Variants in TRDMT1 observed in about 807,000 individuals in gnomAD.
TRDMT1 encodes tRNA aspartic acid methyltransferase 1, also known as tRNA (cytosine(38)-C(5))-methyltransferase.
TRDMT1 carries 49 observed loss-of-function variants against 51.2 expected under a neutral mutation model. The ratio of observed to expected loss-of-function variants is 0.96; its 90% CI spans 0.76 to 1.21. The LOEUF is 1.21. Among genes scored for constraint, TRDMT1 ranks in the 50% most tolerant of loss-of-function variants. The pLI is 0.00. For synonymous variants in TRDMT1, 187 were observed against 164.6 expected (o/e 1.14, Z -1.04); for missense variants, 534 against 462.3 (o/e 1.16, Z -1.42).
chr10:17,184,386 C>T (rs1487895656), intron 1 of TRDMT1, among the ~76,000 whole-genome samples: 1 of 151,732 alleles, frequency 6.6e-6, no homozygotes, highest in East Asian at 1.9e-4. Flanking sequence ...ATCTAGTTAA[C>T]TGAATTTTTT....
chr10:17,161,379 T>A, intron 5 of TRDMT1, 104 bp downstream of exon 5: 3 of 787,954 alleles, frequency 3.8e-6, no homozygotes, highest in East Asian at 4.1e-5. Flanking sequence ...ATATATAAAA[T>A]GTCAGAATGT....
intron 9 of TRDMT1, 63 bp from the exon 10 acceptor site, chr10:17,153,699 T>C (rs929031167): frequency 6.8e-7 from 1 of 1,481,366 alleles, no homozygotes; most frequent in East Asian, 2.3e-5. Flanking sequence ...GATCTCCTGC[T>C]GTGAGATAGT....
rs566486096 is a variant in TRDMT1 at position 17,145,121 on chromosome 10, C to T, written c.*3919G>A. Reference sequence around the variant, plus strand: ...AATTAGCTAGGTGTGGTGGCATGCGCCTGTAATCCCAGCTACTAGGGAGGC... The same window carrying T: ...AATTAGCTAGGTGTGGTGGCATGCGTCTGTAATCCCAGCTACTAGGGAGGC... On this transcript the variant is annotated 3_prime_UTR_variant, in exon 11 of 11. Transcript: ENST00000377799. The T allele has an allele frequency of 3.5e-6, 2 of 566,004 alleles. No individual in the cohort carries two copies. The highest frequency in any genetic ancestry group is 1.5e-4 in the East Asian group (1 of 6,852). 35.1% of individuals were successfully genotyped at this position (566,004 alleles called of 1,614,324 possible). A position where few individuals can be genotyped will look rare whatever the true frequency, so the allele number is the denominator to read the frequency against.
At position 17,148,766 on chromosome 10, in the gene TRDMT1, T is replaced by C. The variant is rs3736821; in HGVS notation, c.*274A>G. 0.15 allele frequency: 153,102 copies of C among 1,040,480 alleles called. 11,541 individuals carry two copies. The highest frequency in any genetic ancestry group is 0.17 in the Admixed American group (3,325 of 19,132). 64.5% of individuals were successfully genotyped at this position (1,040,480 alleles called of 1,614,324 possible). ...GTGCTCCTTGATTTGTTTATAAAATTGTTTTTAAAAAGAATATTCCACATA... is the reference window on the plus strand; with the variant it reads ...GTGCTCCTTGATTTGTTTATAAAATCGTTTTTAAAAAGAATATTCCACATA... On this transcript the variant is annotated 3_prime_UTR_variant, in exon 11 of 11. Transcript: ENST00000377799.
intron 3 of TRDMT1, among the ~76,000 whole-genome samples, chr10:17,165,221 C>A (rs1425236423): frequency 1.3e-5 from 2 of 152,144 alleles, no homozygotes; most frequent in Non-Finnish European, 2.9e-5. Flanking sequence ...TGCCACTTAT[C>A]TACAACTATC....
intron 1 of TRDMT1, among the ~76,000 whole-genome samples, chr10:17,192,296 G>C (rs1844793955): frequency 6.6e-6 from 1 of 152,130 alleles, no homozygotes; most frequent in Non-Finnish European, 1.5e-5. Flanking sequence ...TTACAAGAGT[G>C]GCAAGTTTTG....
At chr10:17,190,353 T>C (rs1276462754) in intron 1 of TRDMT1, among the ~76,000 whole-genome samples, 1 of 151,906 alleles carries the variant, frequency 6.6e-6, no homozygotes, top group Non-Finnish European at 1.5e-5. Context: ...TGTAATTATG[T>C]GTAGATTTGC....
rs1588552888 is a variant in TRDMT1, at chr10:17,163,451, A to C, written c.252-1214T>G. 2.0e-5 allele frequency among the ~76,000 whole-genome samples: 3 copies of C among 152,342 alleles called. No individual in the cohort carries two copies. The East Asian group carries it at 5.8e-4, about 29-fold the overall frequency. ...TCTAAAATTTACACCCTAACATCACAATTAAAAGAACTAGAGAAGCAAGAG... is the reference window on the plus strand; with the variant it reads ...TCTAAAATTTACACCCTAACATCACCATTAAAAGAACTAGAGAAGCAAGAG... On this transcript the variant is annotated intron_variant, in intron 3 of 10. Transcript: ENST00000377799.
Position 17,146,732 on chromosome 10 carries a change from C to A in TRDMT1, c.*2308G>T. ...CCAACATCTGAATAAATGTACAAGT[C>A]CAAATATCAGGAAACAGAATTTCCA... is the stretch of plus-strand genomic sequence containing the variant. On this transcript the variant is annotated 3_prime_UTR_variant, in exon 11 of 11. Coordinates refer to ENST00000377799, the MANE Select transcript of TRDMT1 (RefSeq NM_004412.7). 1 of 985,330 alleles carries A rather than the reference C, an allele frequency of 1.0e-6. No individual in the cohort carries two copies. The highest frequency in any genetic ancestry group is 1.2e-6 in the Non-Finnish European group (1 of 829,924). The allele number at this position is 985,330 out of a possible 1,614,324, so 61.0% of individuals were successfully genotyped here. A position where few individuals can be genotyped will look rare whatever the true frequency, so the allele number is the denominator to read the frequency against.
chr10:17,190,643 A>G (rs1286565659), intron 1 of TRDMT1, among the ~76,000 whole-genome samples: 1 of 152,206 alleles, frequency 6.6e-6, no homozygotes, highest in Admixed American at 6.5e-5. Flanking sequence ...TCTCACACAC[A>G]ACCATGCCTA....
chr10:17,138,845 G>C lies in TRDMT1; in HGVS notation c.*10195C>G, dbSNP rs964308359. On this transcript the variant is annotated 3_prime_UTR_variant, in exon 11 of 11. Coordinates refer to ENST00000377799, the MANE Select transcript of TRDMT1 (RefSeq NM_004412.7). ...AAATCCAGAGGGACAAACGCAATAG[G>C]GGAATAGGGCTTTGGAGGAGGAGCA... Among the ~76,000 whole-genome samples, 2 of 152,046 alleles carry C rather than the reference G, an allele frequency of 1.3e-5. No homozygotes were observed. Among genetic ancestry groups the C allele is most frequent in the Non-Finnish European group, 2.9e-5 (2 of 68,004 alleles).
intron 1 of TRDMT1, among the ~76,000 whole-genome samples, chr10:17,182,713 A>G (rs2131564080): frequency 6.6e-6 from 1 of 152,312 alleles, no homozygotes; most frequent in East Asian, 1.9e-4. Context: ...AGAGCTACTT[A>G]TAAACTATAG....
chr10:17,188,319 C>T (rs868483819), intron 1 of TRDMT1, among the ~76,000 whole-genome samples: 6 of 152,110 alleles, frequency 3.9e-5, no homozygotes, highest in Non-Finnish European at 7.4e-5. Context: ...GACTACTGAA[C>T]GGGACAATGC....
intron 1 of TRDMT1, among the ~76,000 whole-genome samples, chr10:17,184,983 T>A (rs1257134889): frequency 3.3e-5 from 5 of 152,196 alleles, no homozygotes; most frequent in Admixed American, 1.3e-4. Context: ...AAATCCTAGC[T>A]TGGCTATTTC....
At position 17,145,963 on chromosome 10, in the gene TRDMT1, T is replaced by C. The variant is rs1230338105; in HGVS notation, c.*3077A>G. The stretch of plus-strand genomic sequence containing the variant: ...TAATCACTCTAGACCTCAACTAGGT[T>C]GAGATGGGAGCAAAAACCCAGATGG... On this transcript the variant is annotated 3_prime_UTR_variant, in exon 11 of 11. Coordinates refer to ENST00000377799, the MANE Select transcript of TRDMT1 (RefSeq NM_004412.7). The C allele has an allele frequency of 1.0e-6, 1 of 985,340 alleles. No individual in the cohort carries two copies. The highest frequency in any genetic ancestry group is 1.7e-5 in the African/African-American group (1 of 57,248). 61.0% of individuals were successfully genotyped at this position (985,340 alleles called of 1,614,324 possible). A position where few individuals can be genotyped will look rare whatever the true frequency, so the allele number is the denominator to read the frequency against.
rs1437689915 is a variant in TRDMT1, at chr10:17,185,240, G to T, written c.65-10580C>A. On this transcript the variant is annotated intron_variant, in intron 1 of 10. Coordinates refer to ENST00000377799, the MANE Select transcript of TRDMT1 (RefSeq NM_004412.7). Reference sequence around the variant, plus strand: ...AATGAGAATATCAAATGCTAGAAAGGACCAGGTGTGATTTAAAAATCGTCA... The same window carrying T: ...AATGAGAATATCAAATGCTAGAAAGTACCAGGTGTGATTTAAAAATCGTCA... Among the ~76,000 whole-genome samples, 3 of 152,264 alleles carry T rather than the reference G, an allele frequency of 2.0e-5. No individual in the cohort carries two copies. In the East Asian group the frequency reaches 5.8e-4, roughly 29 times the overall value.
chr10:17,190,683 C>T (rs1844577541), intron 1 of TRDMT1, among the ~76,000 whole-genome samples: 1 of 152,218 alleles, frequency 6.6e-6, no homozygotes. Context: ...AGACTTAATA[C>T]TTAAGTTTAA....
chr10:17,160,598 G>A (rs1369294756), intron 5 of TRDMT1, among the ~76,000 whole-genome samples: 1 of 152,002 alleles, frequency 6.6e-6, no homozygotes, highest in Non-Finnish European at 1.5e-5. Context: ...AGTCTCCTGA[G>A]TAACTGGGAT....
At chr10:17,176,578 C>G (rs1257840357) in intron 1 of TRDMT1, among the ~76,000 whole-genome samples, 3 of 152,104 alleles carry the variant, frequency 2.0e-5, no homozygotes, top group African/African-American at 7.2e-5. Flanking sequence ...ATATTTTAGA[C>G]TGTTATAAAA....
Sources: allele counts gnomAD v4.1 joint callset (sites outside exome capture counted in the v4.1 genomes callset), GRCh38; gene constraint gnomAD v4.1.1; transcripts MANE v1.5; gene names NCBI Gene and HGNC (gene_info 2026-07-23, HGNC 2026-07-21).